Variants in SPATA33 observed in about 807,000 individuals in gnomAD.
The protein encoded by SPATA33 is spermatogenesis associated 33, also known as spermatogenesis-associated protein 33.
Under a neutral mutation model 8.9 loss-of-function variants are expected in SPATA33, and 10 were observed. The ratio of observed to expected loss-of-function variants is 1.12; its 90% CI spans 0.69 to 1.90. SPATA33 has a LOEUF of 1.90. SPATA33 is among the 40% of genes most tolerant of loss of function. The pLI is 0.00. For synonymous variants in SPATA33, 96 were observed against 72.8 expected (o/e 1.32, Z -1.63); for missense variants, 241 against 178.3 (o/e 1.35, Z -2.00).
In SPATA33 at chr16:89,669,349, C is replaced by T. The variant is rs775257755; in HGVS notation, c.275C>T (p.Thr92Met). The T allele has an allele frequency of 5.6e-6, 9 of 1,614,182 alleles. No homozygotes were observed. In the Admixed American group the frequency reaches 8.3e-5, roughly 15 times the overall value. Residue 92 changes from threonine to methionine, a missense_variant, in exon 3 of 3, where the codon ACG becomes ATG. Thr to Met is a moderately conservative substitution (Grantham distance 81, BLOSUM62 -1). Transcript: ENST00000579310. ...KKVVVPQIII[T>M]RASNETLVSC... ...GTGGTCGTTCCACAGATCATCATCA[C>T]GCGAGCGTCGAATGAGACGCTAGTC... is the stretch of plus-strand genomic sequence containing the variant.
intron 2 of SPATA33, 67 bp from the exon 3 acceptor site, chr16:89,669,219 G>C: frequency 1.4e-6 from 2 of 1,410,138 alleles, no homozygotes; most frequent in Admixed American, 1.7e-5. Flanking sequence ...CCAATGGCAG[G>C]AGGTGTGTGC....
chr16:89,658,637 C>G (rs1035894753), intron 2 of SPATA33: 1 of 660,216 alleles, frequency 1.5e-6, no homozygotes, highest in African/African-American at 1.8e-5. Flanking sequence ...GGTCAGTTCC[C>G]GAGTGATAAG....
At chr16:89,662,347 T>C (rs947531873) in intron 2 of SPATA33, among the ~76,000 whole-genome samples, 1 of 150,134 alleles carries the variant, frequency 6.7e-6, no homozygotes, top group East Asian at 1.9e-4. Context: ...GATAACAAAA[T>C]ACTGATTGAA....
intron 2 of SPATA33, chr16:89,660,963 AG>A: frequency 9.9e-7 from 1 of 1,006,682 alleles, no homozygotes; most frequent in East Asian, 9.8e-5. Flanking sequence ...ATCAGTGTCC[AG>A]CCCCAAGAGC....
In SPATA33 at chr16:89,658,174, C is replaced by T. The variant is rs1450784111; in HGVS notation, c.38-74C>T. ...CCAGCTTATTCTGGACCCACGCAGGCGACTGAAGACGATGGGACCCACTGC... is the reference window on the plus strand; with the variant it reads ...CCAGCTTATTCTGGACCCACGCAGGTGACTGAAGACGATGGGACCCACTGC... On this transcript the variant is annotated intron_variant, in intron 1 of 2. Coordinates refer to ENST00000579310, the MANE Select transcript of SPATA33 (RefSeq NM_001271907.2). The T allele has an allele frequency of 1.3e-5, 21 of 1,590,930 alleles. 1 individual carries two copies. In the South Asian group the frequency reaches 2.3e-4, roughly 17 times the overall value.
At chr16:89,664,592 TA>T (rs1464080054) in intron 2 of SPATA33, among the ~76,000 whole-genome samples, 1 of 146,906 alleles carries the variant, frequency 6.8e-6, no homozygotes, top group Non-Finnish European at 1.5e-5. Context: ...AGCCAGACAG[TA>T]AAAGTGTCAG....
At chr16:89,663,217 G>T (rs984232952) in intron 2 of SPATA33, among the ~76,000 whole-genome samples, 1 of 151,550 alleles carries the variant, frequency 6.6e-6, no homozygotes, top group African/African-American at 2.4e-5. Context: ...ATCCCAGAAG[G>T]TCACATGCTG....
At chr16:89,660,268 T>A (rs1276256114) in intron 2 of SPATA33, 1 of 374,354 alleles carries the variant, frequency 2.7e-6, no homozygotes, top group East Asian at 3.9e-5. Flanking sequence ...AGGAAACCTT[T>A]CCCAGGAAGG....
intron 2 of SPATA33, among the ~76,000 whole-genome samples, chr16:89,664,153 A>C (rs2059995518): frequency 6.6e-6 from 1 of 152,196 alleles, no homozygotes; most frequent in Admixed American, 6.5e-5. Context: ...ACACATATTG[A>C]AGAATTTGAC....
chr16:89,657,860 C>T lies in SPATA33; in HGVS notation c.-52C>T, dbSNP rs35415928. On this transcript the variant is annotated 5_prime_UTR_variant, in exon 1 of 3. Coordinates refer to ENST00000579310, the MANE Select transcript of SPATA33 (RefSeq NM_001271907.2). ...TGTGAGTCGCTCCCGGCTCCGCGGC[C>T]GCGGAGGTGTGGGGACCCGGGCTTG... is the stretch of plus-strand genomic sequence containing the variant. 147,594 of 1,509,182 alleles carry T rather than the reference C, an allele frequency of 0.098. 8,154 individuals carry two copies. The highest frequency in any genetic ancestry group is 0.15 in the East Asian group (5,447 of 37,060). The allele number at this position is 1,509,182 out of a possible 1,614,324, so 93.5% of individuals were successfully genotyped here. A position where few individuals can be genotyped will look rare whatever the true frequency, so the allele number is the denominator to read the frequency against.
intron 2 of SPATA33, among the ~76,000 whole-genome samples, chr16:89,662,535 T>C (rs903362152): frequency 6.6e-6 from 1 of 151,820 alleles, no homozygotes; most frequent in African/African-American, 2.4e-5. Flanking sequence ...GTGATTCTCC[T>C]GCCTCAGCCT....
chr16:89,666,315 G>A (rs1597807058), intron 2 of SPATA33, among the ~76,000 whole-genome samples: 2 of 152,006 alleles, frequency 1.3e-5, no homozygotes, highest in South Asian at 2.1e-4. Flanking sequence ...TCACATCCAC[G>A]AATAGCCACT....
chr16:89,658,486 G>A lies in SPATA33; in HGVS notation c.211+65G>A, dbSNP rs553004790. 359 of 1,538,282 alleles carry A rather than the reference G, an allele frequency of 2.3e-4. No individual in the cohort carries two copies. In the African/African-American group the frequency reaches 4.6e-3, roughly 20 times the overall value. ...TTGGAGGATCTGGGGCTGGGGTGAG[G>A]AGCCTACTGTAAGACCCTACCGGAT... On this transcript the variant is annotated intron_variant, in intron 2 of 2. Coordinates refer to ENST00000579310, the MANE Select transcript of SPATA33 (RefSeq NM_001271907.2).
In SPATA33 at chr16:89,669,321, A is replaced by C. The variant is rs748936027; in HGVS notation, c.247A>C (p.Lys83Gln). 1 of 1,614,228 alleles carries C rather than the reference A, an allele frequency of 6.2e-7. No individual in the cohort carries two copies. Reference protein sequence around the residue: ...PDVKQKSSRKKVVVPQIIITR... With the variant: ...PDVKQKSSRKQVVVPQIIITR... ...TGTAAAGCAAAAGTCCAGCAGGAAG[A>C]AAGTGGTCGTTCCACAGATCATCAT... is the stretch of plus-strand genomic sequence containing the variant. Residue 83 changes from lysine (K) to glutamine (Q), a missense_variant, in exon 3 of 3, where the codon AAA becomes CAA. Coordinates refer to ENST00000579310, the MANE Select transcript of SPATA33 (RefSeq NM_001271907.2).
intron 2 of SPATA33, chr16:89,661,573 C>G (rs1489291011): frequency 6.6e-6 from 1 of 152,204 alleles, no homozygotes; most frequent in Non-Finnish European, 1.5e-5. Context: ...ATGTATTATA[C>G]TGTTACCCCT....
At chr16:89,664,121 C>T (rs929984714) in intron 2 of SPATA33, among the ~76,000 whole-genome samples, 3 of 152,132 alleles carry the variant, frequency 2.0e-5, no homozygotes, top group Non-Finnish European at 4.4e-5. Context: ...CCTATTTATG[C>T]TTCCTAGCAA....
upstream of SPATA33, chr16:89,657,784 G>A (rs1477948302): frequency 2.7e-6 from 4 of 1,456,108 alleles, no homozygotes; most frequent in Admixed American, 2.8e-5. Context: ...GGGCGCGGCT[G>A]CGCGGCGCGC....
chr16:89,661,144 A>G (rs1597802233), intron 2 of SPATA33: 1 of 985,504 alleles, frequency 1.0e-6, no homozygotes, highest in African/African-American at 1.7e-5. Context: ...TGAGAAGAAC[A>G]GAAGGGCCAT....
At position 89,660,714 on chromosome 16, in the gene SPATA33, G is replaced by A. The variant is rs144748682; in HGVS notation, c.211+2293G>A. ...ATTTACAGAGAGAAGCAGATGAGTG[G>A]TTGCTGGGCAGAAATGGGAGCCGGC... On this transcript the variant is annotated intron_variant, in intron 2 of 2. Coordinates refer to ENST00000579310, the MANE Select transcript of SPATA33 (RefSeq NM_001271907.2). The A allele has an allele frequency of 8.0e-3, 6,061 of 753,732 alleles. 40 individuals are homozygous for A. The highest frequency in any genetic ancestry group is 9.5e-3 in the Non-Finnish European group (5,260 of 552,336). 46.7% of individuals were successfully genotyped at this position (753,732 alleles called of 1,614,324 possible). A position where few individuals can be genotyped will look rare whatever the true frequency, so the allele number is the denominator to read the frequency against.
Sources: allele counts gnomAD v4.1 joint callset (sites outside exome capture counted in the v4.1 genomes callset), GRCh38; gene constraint gnomAD v4.1.1; transcripts MANE v1.5; gene names NCBI Gene and HGNC (gene_info 2026-07-23, HGNC 2026-07-21).